RP9: variants seen among roughly 807,000 people sequenced by gnomAD.
The protein encoded by RP9 is RP9 pre-mRNA splicing factor.
A neutral mutation model predicts 32.6 loss-of-function variants in RP9; 23 were observed. The ratio of observed to expected loss-of-function variants is 0.71; its 90% CI spans 0.51 to 1.00. RP9 has a LOEUF of 1.00. Among genes scored for constraint, RP9 ranks in the 50% least tolerant of loss-of-function variants. The probability of loss-of-function intolerance (pLI) is 0.00; values close to 1 mark genes in which losing one functional copy is unlikely to be tolerated. For synonymous variants in RP9, 94 were observed against 103.6 expected, an observed-to-expected ratio of 0.91 and a Z score of 0.56; for missense variants, 245 against 285.3, an observed-to-expected ratio of 0.86 and a Z score of 1.02.
At chr7:33,107,873 A>G (rs4083280) in intron 1 of RP9, among the ~76,000 whole-genome samples, 77,549 of 152,064 alleles carry the variant, frequency 0.51, 20,170 homozygotes, top group African/African-American at 0.61. Flanking sequence ...ACCTGGTGGG[A>G]TAACATTTAT....
Position 33,108,457 on chromosome 7 carries a change from T to C in RP9, c.152+764A>G, listed in dbSNP as rs1039401955. Among the ~76,000 whole-genome samples, 6 of 152,360 alleles carry C rather than the reference T, an allele frequency of 3.9e-5. No homozygotes were observed. In the East Asian group the frequency reaches 5.8e-4, roughly 15 times the overall value. On this transcript the variant is annotated intron_variant, in intron 1 of 5. Coordinates refer to ENST00000297157, the MANE Select transcript of RP9 (RefSeq NM_203288.2). Reference sequence around the variant, plus strand: ...GAACCAAACAACACAGGATAACTTATTCAGCTACCCCTCAACTGCCTAAAA... The same window carrying C: ...GAACCAAACAACACAGGATAACTTACTCAGCTACCCCTCAACTGCCTAAAA...
In RP9 at chr7:33,109,244, C is replaced by G; in HGVS notation, c.129G>C (p.Gln43His). The G allele has an allele frequency of 2.7e-6, 4 of 1,496,710 alleles. No homozygotes were observed. The highest frequency in any genetic ancestry group is 3.6e-6 in the Non-Finnish European group (4 of 1,125,908). 92.7% of individuals were successfully genotyped at this position (1,496,710 alleles called of 1,614,324 possible). ...KRRRHDAQQL[Q>H]QLKHLESFYE... ...ACAAGGACTCCAGGTGCTTGAGCTG[C>G]TGCAGCTGCTGCGCGTCGTGTCGCC... is the stretch of plus-strand genomic sequence containing the variant. Residue 43 changes from glutamine to histidine, a missense_variant, in exon 1 of 6, where the codon CAG (glutamine) becomes CAC (histidine). Physicochemically the swap from Gln to His is conservative, Grantham distance 24. Coordinates refer to ENST00000297157, the MANE Select transcript of RP9 (RefSeq NM_203288.2). This position sits in a 1 kb window ranked among gnomAD's most constrained non-coding sequence, Gnocchi z 4.9.
chr7:33,102,013 T>C lies in RP9; in HGVS notation c.153-1452A>G, dbSNP rs1788433115. Among the ~76,000 whole-genome samples, 3 of 152,114 alleles carry C rather than the reference T, an allele frequency of 2.0e-5. No individual in the cohort carries two copies. The South Asian group carries it at 6.2e-4, about 31-fold the overall frequency. On this transcript the variant is annotated intron_variant, in intron 1 of 5. Coordinates refer to ENST00000297157, the MANE Select transcript of RP9 (RefSeq NM_203288.2). ...CCACAAGCATTATACAAAAAATATATGGCCAATCGAATTGAGATCCAAATT... is the reference window on the plus strand; with the variant it reads ...CCACAAGCATTATACAAAAAATATACGGCCAATCGAATTGAGATCCAAATT...
intron 2 of RP9, chr7:33,100,083 G>A: frequency 4.6e-6 from 1 of 218,470 alleles, no homozygotes; most frequent in South Asian, 7.4e-5. Flanking sequence ...CACACACCCT[G>A]GCACCTTGGC....
chr7:33,101,920 TAG>T (rs1438264776), intron 1 of RP9, among the ~76,000 whole-genome samples: 1 of 152,186 alleles, frequency 6.6e-6, no homozygotes. Flanking sequence ...ACCTTATGCA[TAG>T]AGACTAGAAG....
Position 33,109,353 on chromosome 7 carries a change from C to A in RP9, c.20G>T (p.Arg7Leu). Residue 7 changes from arginine to leucine, a missense_variant, in exon 1 of 6, where the codon CGC (arginine) becomes CTC (leucine). Physicochemically the swap from Arg to Leu is moderately radical, Grantham distance 102. Transcript: ENST00000297157. The surrounding 1 kb of genome is among the most constrained non-coding windows in gnomAD (Gnocchi z 4.9). MSSRPG[R>L]EDVGAAGARR... is the part of the protein sequence containing the mutation. ...CGCGCCCGCAGCCCCCACGTCCTCG[C>A]GCCCAGGCCGGGACGACATGTCAGC... The A allele has an allele frequency of 7.0e-7, 1 of 1,432,502 alleles. No homozygotes were observed. Among genetic ancestry groups the A allele is most frequent in the Non-Finnish European group, 9.1e-7 (1 of 1,095,510 alleles). The allele number at this position is 1,432,502 out of a possible 1,614,324, so 88.7% of individuals were successfully genotyped here. A position where few individuals can be genotyped will look rare whatever the true frequency, so the allele number is the denominator to read the frequency against.
rs141693210 is a variant in RP9 at position 33,108,340 on chromosome 7, C to T, written c.152+881G>A. Reference sequence around the variant, plus strand: ...GAGGTCTGTGTTAGAATTTAGGAAACGCCACCCTGATAAATGACTGCAAAA... The same window carrying T: ...GAGGTCTGTGTTAGAATTTAGGAAATGCCACCCTGATAAATGACTGCAAAA... On this transcript the variant is annotated intron_variant, in intron 1 of 5. Coordinates refer to ENST00000297157, the MANE Select transcript of RP9 (RefSeq NM_203288.2). Among the ~76,000 whole-genome samples the T allele has an allele frequency of 1.8e-3, 270 of 152,244 alleles. 2 individuals carry two copies. The highest frequency in any genetic ancestry group is 5.7e-3 in the African/African-American group (236 of 41,534).
intron 1 of RP9, among the ~76,000 whole-genome samples, chr7:33,106,205 T>C: frequency 6.6e-6 from 1 of 152,146 alleles, no homozygotes; most frequent in East Asian, 1.9e-4. Flanking sequence ...TATCACTCTG[T>C]TGCCCAGGCT....
At chr7:33,098,965 A>G in intron 3 of RP9, 2 of 393,626 alleles carry the variant, frequency 5.1e-6, no homozygotes, top group South Asian at 2.2e-5. Flanking sequence ...ATGGTGTCTT[A>G]GTCAGCTCGG....
intron 3 of RP9, among the ~76,000 whole-genome samples, chr7:33,098,596 G>A (rs1418071049): frequency 2.0e-5 from 3 of 152,112 alleles, no homozygotes; most frequent in Non-Finnish European, 2.9e-5. Context: ...CCTCCACGTG[G>A]GAGCCTTCTC....
At chr7:33,104,267 G>C (rs1788468437) in intron 1 of RP9, among the ~76,000 whole-genome samples, 1 of 152,100 alleles carries the variant, frequency 6.6e-6, no homozygotes, top group Admixed American at 6.5e-5. Context: ...AGAGTCAACT[G>C]CACAAACTGG....
intron 5 of RP9, among the ~76,000 whole-genome samples, chr7:33,096,210 T>C (rs1788332066): frequency 6.6e-6 from 1 of 152,212 alleles, no homozygotes; most frequent in Non-Finnish European, 1.5e-5. Context: ...AAAATATCAA[T>C]TATACTGTAC....
At chr7:33,108,987 G>A (rs956590890) in intron 1 of RP9, among the ~76,000 whole-genome samples, 1 of 152,122 alleles carries the variant, frequency 6.6e-6, no homozygotes, top group African/African-American at 2.4e-5. Context: ...GTCAGATTCT[G>A]CTTGGTGCCG....
chr7:33,104,115 T>C (rs1584003714), intron 1 of RP9, among the ~76,000 whole-genome samples: 1 of 151,596 alleles, frequency 6.6e-6, no homozygotes, highest in East Asian at 1.9e-4. Flanking sequence ...AAAAGATACA[T>C]CTACAAAGTA....
At chr7:33,105,957 A>G (rs1402965496) in intron 1 of RP9, among the ~76,000 whole-genome samples, 3 of 152,146 alleles carry the variant, frequency 2.0e-5, no homozygotes, top group African/African-American at 4.8e-5. Flanking sequence ...TGTGACTCCT[A>G]TGATAGGTAA....
rs1024373503 is a variant in RP9, at chr7:33,095,017, C to T, written c.*217G>A. On this transcript the variant is annotated 3_prime_UTR_variant, in exon 6 of 6. Transcript: ENST00000297157. ...GGGAGGACAACGATGAAGAAACTTT[C>T]CTGCCTAAAATCAGCTGCTGTCCAG... is the stretch of plus-strand genomic sequence containing the variant. The T allele has an allele frequency of 5.6e-5, 32 of 576,410 alleles. No homozygotes were observed. Among genetic ancestry groups the T allele is most frequent in the African/African-American group, 3.7e-4 (20 of 53,402 alleles). The allele number at this position is 576,410 out of a possible 1,614,324, so 35.7% of individuals were successfully genotyped here.
chr7:33,106,812 T>C (rs1037384688), intron 1 of RP9, among the ~76,000 whole-genome samples: 1 of 151,880 alleles, frequency 6.6e-6, no homozygotes, highest in African/African-American at 2.4e-5. Flanking sequence ...GGCATGGTGA[T>C]GCACACCTGT....
Position 33,095,288 on chromosome 7 carries a change from C to A in RP9, c.612G>T (p.Lys204Asn). ...TGGAAGATTTGTGCTTCCGTTTTTTCTTCTTTTTCTTTTCTTTCTTCCTTT... is the reference window on the plus strand; with the variant it reads ...TGGAAGATTTGTGCTTCCGTTTTTTATTCTTTTTCTTTTCTTTCTTCCTTT... ...HKKRKKEKKK[K>N]KKRKHKSSKS... Residue 204 changes from lysine (K) to asparagine (N), a missense_variant, in exon 6 of 6, where the codon AAG becomes AAT. By Grantham distance (94) the Lys-to-Asn change is moderately conservative. Transcript: ENST00000297157. 1 of 1,611,640 alleles carries A rather than the reference C, an allele frequency of 6.2e-7. No individual in the cohort carries two copies. Among genetic ancestry groups the A allele is most frequent in the Non-Finnish European group, 8.5e-7 (1 of 1,179,082 alleles).
At chr7:33,099,499 T>G in intron 2 of RP9, 63 bp from the exon 3 acceptor site, 3 of 1,597,380 alleles carry the variant, frequency 1.9e-6, no homozygotes, top group South Asian at 1.1e-5. Flanking sequence ...CTGCTCCCCT[T>G]GGAGCCACCC....
Sources: gnomAD v4.1 joint callset for allele counts (sites outside exome capture counted in the v4.1 genomes callset) on GRCh38, gnomAD v4.1.1 for gene constraint, Gnocchi (gnomAD v3.1) non-coding constraint, MANE v1.5 for transcripts, NCBI Gene and HGNC (gene_info 2026-07-23, HGNC 2026-07-21) for gene names.